The following TRIP12 variants were observed in gnomAD, a reference collection of about 807,000 sequenced individuals.
TRIP12 encodes the protein E3 ubiquitin-protein ligase TRIP12.
TRIP12 carries 25 observed loss-of-function variants against 244.2 expected under a neutral mutation model. The ratio of observed to expected loss-of-function variants is 0.10; its 90% CI spans 0.07 to 0.14. TRIP12 has a LOEUF of 0.14. TRIP12 is among the 10% of genes least tolerant of loss of function. TRIP12 has a pLI of 1.00. For synonymous variants in TRIP12, 905 were observed against 873.1 expected, an observed-to-expected ratio of 1.04 and a Z score of -0.64; for missense variants, 1,677 against 2,486.4, an observed-to-expected ratio of 0.67 and a Z score of 6.92.
intron 6 of TRIP12, among the ~76,000 whole-genome samples, chr2:229,833,931 T>C (rs1424688294): frequency 2.6e-5 from 4 of 152,134 alleles, no homozygotes; most frequent in Admixed American, 1.3e-4. Flanking sequence ...AGTATAGAGA[T>C]AGCTGTTCTG....
At chr2:229,779,030 A>G in intron 34 of TRIP12, 40 bp from the exon 35 acceptor site, 1 of 1,572,520 alleles carries the variant, frequency 6.4e-7, no homozygotes, top group Non-Finnish European at 8.7e-7. Flanking sequence ...AAATTTTAAG[A>G]ATTGTGTTTT....
chr2:229,886,676 A>G (rs1227991939), intron 1 of TRIP12, among the ~76,000 whole-genome samples: 1 of 152,202 alleles, frequency 6.6e-6, no homozygotes, highest in African/African-American at 2.4e-5. Context: ...CACATTGTCC[A>G]GGCTGTTCTC....
intron 1 of TRIP12, among the ~76,000 whole-genome samples, chr2:229,906,811 T>C (rs1016889686): frequency 6.6e-6 from 1 of 151,942 alleles, no homozygotes; most frequent in Non-Finnish European, 1.5e-5. Context: ...GAATATGGGA[T>C]GTTCCTTACA....
chr2:229,780,739 T>G (rs184392730), intron 34 of TRIP12, among the ~76,000 whole-genome samples: 1 of 152,196 alleles, frequency 6.6e-6, no homozygotes, highest in African/African-American at 2.4e-5. Context: ...CCCATAATGC[T>G]TCATCCTCTT....
intron 5 of TRIP12, among the ~76,000 whole-genome samples, chr2:229,838,802 A>G (rs2055552169): frequency 6.6e-6 from 1 of 152,220 alleles, no homozygotes; most frequent in South Asian, 2.1e-4. Flanking sequence ...CTAAATCCAG[A>G]TATTTTAAAC....
chr2:229,808,320 A>G lies in TRIP12; in HGVS notation c.2271T>C (p.Ser757=). 1 of 1,613,938 alleles carries G rather than the reference A, an allele frequency of 6.2e-7. No individual in the cohort carries two copies. The highest frequency in any genetic ancestry group is 8.5e-7 in the Non-Finnish European group (1 of 1,180,016). Residue 757 remains serine, a synonymous_variant, in exon 16 of 42, where the codon AGT becomes AGC. Transcript: ENST00000675903. The part of the protein sequence containing the change: ...HFLLCGASNG[S]CQEQIDLVPR... ...GAACAAGATCAATCTGTTCCTGACA[A>G]CTTCCATTGGAGGCACCACACAGGA... is the stretch of plus-strand genomic sequence containing the variant.
At position 229,798,892 on chromosome 2, in the gene TRIP12, A is replaced by G; in HGVS notation, c.3465T>C (p.Asp1155=). The G allele has an allele frequency of 6.2e-7, 1 of 1,613,954 alleles. No individual in the cohort carries two copies. Among genetic ancestry groups the G allele is most frequent in the East Asian group, 2.2e-5 (1 of 44,890 alleles). ...CACTTCACCTATTATTGGAGATGGT[A>G]TCCTTTGAGGCAGCCCTGGCAAGGC... is the stretch of plus-strand genomic sequence containing the variant. ...GSGLARAASK[D]TISNNREKIK... The change falls in exon 23 of 42, where the codon GAT becomes GAC. Residue 1155 remains aspartate, a synonymous_variant. Transcript: ENST00000675903.
chr2:229,830,890 A>G (rs921187267), intron 6 of TRIP12, 51 bp from the exon 7 acceptor site: 141 of 1,578,684 alleles, frequency 8.9e-5, no homozygotes, highest in Admixed American at 8.8e-5. Flanking sequence ...TAAACACATT[A>G]TGTCTGGCTT....
At chr2:229,850,968 G>A (rs375814468) in intron 4 of TRIP12, among the ~76,000 whole-genome samples, 1 of 152,352 alleles carries the variant, frequency 6.6e-6, no homozygotes, top group East Asian at 1.9e-4. Flanking sequence ...GCAGGCCTCG[G>A]GAGAGCAGCC....
chr2:229,899,985 T>TA (rs1313544675), intron 1 of TRIP12, among the ~76,000 whole-genome samples: 1 of 152,202 alleles, frequency 6.6e-6, no homozygotes, highest in Non-Finnish European at 1.5e-5. Flanking sequence ...AACAAGTTGT[T>TA]ACATACAAAA....
chr2:229,815,436 A>T (rs571074155), intron 9 of TRIP12, 128 bp from the exon 10 acceptor site: 3 of 600,508 alleles, frequency 5.0e-6, no homozygotes, highest in Non-Finnish European at 8.6e-6. Flanking sequence ...ACACAAAAAT[A>T]ACTTTAAGAT....
chr2:229,829,203 T>C lies in TRIP12; in HGVS notation c.1440A>G (p.Gly480=), dbSNP rs2052623898. Residue 480 remains glycine, a synonymous_variant, in exon 8 of 42, where the codon GGA becomes GGG. Coordinates refer to ENST00000675903, the MANE Select transcript of TRIP12 (RefSeq NM_001348323.3). ...AACATTTTTACTTACTAGCTCCACT[T>C]CCAATTGTTCTATGGAAAAGCTGTG... ...RMSQLFHRTI[G]SGASSKAQQL... The C allele has an allele frequency of 6.2e-7, 1 of 1,613,918 alleles. No homozygotes were observed. The highest frequency in any genetic ancestry group is 8.5e-7 in the Non-Finnish European group (1 of 1,179,914).
At chr2:229,810,753 CT>C (rs2154278406) in intron 15 of TRIP12, 126 bp downstream of exon 15, 2 of 927,070 alleles carry the variant, frequency 2.2e-6, no homozygotes, top group South Asian at 3.8e-5. Context: ...CATATTAACA[CT>C]TTTCTTTACT....
chr2:229,784,797 G>C (rs1360348614), intron 34 of TRIP12, among the ~76,000 whole-genome samples: 1 of 152,184 alleles, frequency 6.6e-6, no homozygotes, highest in African/African-American at 2.4e-5. Flanking sequence ...AGAAGCAATT[G>C]AACTCGCATA....
chr2:229,776,335 A>G, intron 37 of TRIP12, among the ~76,000 whole-genome samples: 1 of 152,180 alleles, frequency 6.6e-6, no homozygotes, highest in Admixed American at 6.5e-5. Flanking sequence ...AATAGTTTAA[A>G]ACTTACCAAG....
At chr2:229,832,004 T>C (rs1293859785) in intron 6 of TRIP12, among the ~76,000 whole-genome samples, 1 of 151,700 alleles carries the variant, frequency 6.6e-6, no homozygotes, top group South Asian at 2.1e-4. Flanking sequence ...ATTTTTGTCA[T>C]AATTGTTAAA....
At chr2:229,870,263 C>A (rs2062311181) in intron 2 of TRIP12, among the ~76,000 whole-genome samples, 1 of 152,098 alleles carries the variant, frequency 6.6e-6, no homozygotes, top group Non-Finnish European at 1.5e-5. Context: ...TTTAATAATT[C>A]AAAATGAAAG....
chr2:229,780,169 T>C (rs934545964), intron 34 of TRIP12, among the ~76,000 whole-genome samples: 16 of 152,132 alleles, frequency 1.1e-4, no homozygotes, highest in African/African-American at 3.9e-4. Context: ...CCAATCCTAT[T>C]AGAATTCCAC....
chr2:229,777,310 C>G lies in TRIP12; in HGVS notation c.5529+5G>C, dbSNP rs769724582. Reference sequence around the variant, plus strand: ...GATCTACTGGACTGTTTCTTCTAAGCCTACCTGGGATTTATCTTGTTCAAG... The same window carrying G: ...GATCTACTGGACTGTTTCTTCTAAGGCTACCTGGGATTTATCTTGTTCAAG... On this transcript the variant is annotated splice_donor_5th_base_variant and intron_variant, in intron 37 of 41. Transcript: ENST00000675903. 1.2e-6 allele frequency: 2 copies of G among 1,611,890 alleles called. No homozygotes were observed. The highest frequency in any genetic ancestry group is 3.3e-5 in the Admixed American group (2 of 59,998).
Sources: gnomAD v4.1 joint callset for allele counts (sites outside exome capture counted in the v4.1 genomes callset) on GRCh38, gnomAD v4.1.1 for gene constraint, MANE v1.5 for transcripts, NCBI Gene and HGNC (gene_info 2026-07-23, HGNC 2026-07-21) for gene names.